ZDHHC17: variants seen among roughly 807,000 people sequenced by gnomAD.
ZDHHC17 encodes zDHHC palmitoyltransferase 17, also known as palmitoyltransferase ZDHHC17.
In ZDHHC17, 40 loss-of-function variants were observed where a neutral mutation model predicts 90.3. The ratio of observed to expected loss-of-function variants is 0.44; its 90% confidence interval spans 0.34 to 0.58. The LOEUF is 0.58. Ranked by LOEUF, ZDHHC17 falls within the 20% of genes least tolerant of loss-of-function variation. ZDHHC17 has a pLI of 0.01. For missense variants in ZDHHC17, 614 were observed against 780.8 expected (o/e 0.79, Z 2.55); for synonymous variants, 235 against 252.4 (o/e 0.93, Z 0.65).
chr12:76,849,722 A>G lies in ZDHHC17; in HGVS notation c.1760+252A>G, dbSNP rs987355635. 57 of 273,320 alleles carry G rather than the reference A, an allele frequency of 2.1e-4. 1 individual carries two copies. The highest frequency in any genetic ancestry group is 1.3e-3 in the African/African-American group (56 of 44,410). The allele number at this position is 273,320 out of a possible 1,614,324, so 16.9% of individuals were successfully genotyped here. ...TGTATTCAGTCTGGTGCTTAGAAAT[A>G]GTAGGGTCCTAAGTATATGAAATAT... On this transcript the variant is annotated intron_variant, in intron 16 of 16. Coordinates refer to ENST00000426126, the MANE Select transcript of ZDHHC17 (RefSeq NM_015336.4).
intron 10 of ZDHHC17, among the ~76,000 whole-genome samples, chr12:76,835,520 TA>T (rs536299034): frequency 3.8e-3 from 578 of 152,094 alleles, no homozygotes; most frequent in African/African-American, 0.012. Flanking sequence ...TTAATTTTTT[TA>T]AATTATGAAT....
rs1476764305 is a variant in ZDHHC17, at chr12:76,822,519, G to A, written c.885G>A (p.Leu295=). 1 of 1,587,268 alleles carries A rather than the reference G, an allele frequency of 6.3e-7. No individual in the cohort carries two copies. The highest frequency in any genetic ancestry group is 8.6e-7 in the Non-Finnish European group (1 of 1,162,520). Residue 295 remains leucine, a synonymous_variant, in exon 8 of 17, where the codon CTG becomes CTA. Coordinates refer to ENST00000426126, the MANE Select transcript of ZDHHC17 (RefSeq NM_015336.4). ...GYDNPSFLRK[L]KADKEFRQKV... is the part of the protein sequence containing the mutation. ...ACAATCCGTCCTTCCTTAGAAAGCT[G>A]AAAGCTGATAAGGTAAACTCATAAC...
chr12:76,803,541 C>T (rs1474088694), intron 2 of ZDHHC17, among the ~76,000 whole-genome samples: 1 of 152,172 alleles, frequency 6.6e-6, no homozygotes, highest in Non-Finnish European at 1.5e-5. Flanking sequence ...CTGATGATGT[C>T]TGGTGGTATT....
intron 1 of ZDHHC17, among the ~76,000 whole-genome samples, chr12:76,788,688 A>ATATATTTTTTTTTTTT (rs61663401): frequency 4.1e-5 from 4 of 98,666 alleles, no homozygotes; most frequent in African/African-American, 8.0e-5. Context: ...TGGAATCGCA[A>ATATATTTTTTTTTTTT]TTTTTTTTTT....
intron 1 of ZDHHC17, among the ~76,000 whole-genome samples, chr12:76,796,285 G>A (rs1346496068): frequency 6.6e-6 from 1 of 152,022 alleles, no homozygotes; most frequent in Admixed American, 6.5e-5. Flanking sequence ...ACATATGTTT[G>A]TCAAAAATAT....
At chr12:76,810,083 A>T (rs1486690946) in intron 5 of ZDHHC17, among the ~76,000 whole-genome samples, 1 of 152,184 alleles carries the variant, frequency 6.6e-6, no homozygotes, top group East Asian at 1.9e-4. Context: ...TTTTATTTCT[A>T]AGAGTAATGG....
intron 1 of ZDHHC17, among the ~76,000 whole-genome samples, chr12:76,795,575 T>A (rs1362251792): frequency 6.6e-6 from 1 of 152,028 alleles, no homozygotes; most frequent in Non-Finnish European, 1.5e-5. Flanking sequence ...AAAAGAAAAT[T>A]TAGAAATAAG....
intron 10 of ZDHHC17, among the ~76,000 whole-genome samples, chr12:76,836,020 T>C (rs1953358415): frequency 1.3e-5 from 2 of 152,008 alleles, no homozygotes; most frequent in South Asian, 4.1e-4. Context: ...GAACCACTTA[T>C]GCATGCCTGG....
At chr12:76,849,584 T>C in intron 16 of ZDHHC17, 114 bp downstream of exon 16, 2 of 621,518 alleles carry the variant, frequency 3.2e-6, no homozygotes, top group Non-Finnish European at 5.5e-6. Flanking sequence ...TTAAGATTTC[T>C]GTAGAAATAG....
chr12:76,783,818 T>C (rs1952655478), intron 1 of ZDHHC17, among the ~76,000 whole-genome samples: 2 of 152,188 alleles, frequency 1.3e-5, no homozygotes, highest in South Asian at 4.1e-4. Context: ...CATATATCCA[T>C]ATAAGAGGGA....
intron 5 of ZDHHC17, chr12:76,813,540 A>G (rs1017275035): frequency 3.5e-6 from 1 of 288,618 alleles, no homozygotes; most frequent in Admixed American, 5.0e-5. Context: ...TGCTTAGATA[A>G]TGTTCACATT....
chr12:76,777,132 TC>T (rs34060477), intron 1 of ZDHHC17, among the ~76,000 whole-genome samples: 60,091 of 151,930 alleles, frequency 0.4, 12,282 homozygotes, highest in East Asian at 0.65. Flanking sequence ...ACAGCACACT[TC>T]CTTCCCCATA....
chr12:76,842,985 G>T lies in ZDHHC17; in HGVS notation c.1329+4G>T. The stretch of plus-strand genomic sequence containing the variant: ...TATATTCTGCAGTACCTGTTTGGTA[G>T]TATTTTCTTCTTTGTTCTTCCCTCC... On this transcript the variant is annotated splice_donor_region_variant and intron_variant, in intron 12 of 16. Coordinates refer to ENST00000426126, the MANE Select transcript of ZDHHC17 (RefSeq NM_015336.4). 6.2e-7 allele frequency: 1 copy of T among 1,608,084 alleles called. No individual in the cohort carries two copies. The highest frequency in any genetic ancestry group is 8.5e-7 in the Non-Finnish European group (1 of 1,176,314).
At chr12:76,831,597 G>A (rs1325301436) in intron 10 of ZDHHC17, among the ~76,000 whole-genome samples, 5 of 152,120 alleles carry the variant, frequency 3.3e-5, no homozygotes, top group East Asian at 1.9e-4. Flanking sequence ...TGATCCGCCC[G>A]CCTCGGTCTT....
intron 10 of ZDHHC17, chr12:76,841,157 G>A (rs1953429830): frequency 6.6e-6 from 1 of 152,212 alleles, no homozygotes; most frequent in Non-Finnish European, 1.5e-5. Flanking sequence ...TGTATGTCAA[G>A]TGGCTATTGA....
In ZDHHC17 at chr12:76,822,550, ATTTT is replaced by A. The variant is rs10618043; in HGVS notation, c.897+37_897+40del. Reference sequence around the variant, plus strand: ...TGATAAGGTAAACTCATAACTGAAGATTTTTTTTTTTTTTTTTTTTTGAGACGGA... The same window carrying A: ...TGATAAGGTAAACTCATAACTGAAGATTTTTTTTTTTTTTTTTGAGACGGA... On this transcript the variant is annotated intron_variant, in intron 8 of 16. Transcript: ENST00000426126. The A allele has an allele frequency of 6.1e-3, 7,357 of 1,202,572 alleles. No homozygotes were observed. Among genetic ancestry groups the A allele is most frequent in the Middle Eastern group, 8.2e-3 (37 of 4,522 alleles). The allele number at this position is 1,202,572 out of a possible 1,614,324, so 74.5% of individuals were successfully genotyped here. A position where few individuals can be genotyped will look rare whatever the true frequency, so the allele number is the denominator to read the frequency against.
rs1953564002 is a variant in ZDHHC17 at position 76,851,239 on chromosome 12, T to C, written c.*254T>C. The C allele has an allele frequency of 7.3e-6, 3 of 412,126 alleles. No individual in the cohort carries two copies. The highest frequency in any genetic ancestry group is 8.5e-6 in the Non-Finnish European group (2 of 235,294). 25.5% of individuals were successfully genotyped at this position (412,126 alleles called of 1,614,324 possible). ...GTTCTTAATGTGGAAATTCACAACA[T>C]ACTCAACTTTTGGGTTTTGTTCTCA... is the stretch of plus-strand genomic sequence containing the variant. On this transcript the variant is annotated 3_prime_UTR_variant, in exon 17 of 17. Coordinates refer to ENST00000426126, the MANE Select transcript of ZDHHC17 (RefSeq NM_015336.4).
intron 11 of ZDHHC17, 90 bp downstream of exon 11, chr12:76,842,196 G>A (rs538114256): frequency 1.5e-5 from 19 of 1,291,952 alleles, no homozygotes; most frequent in Middle Eastern, 2.0e-4. Flanking sequence ...ATTAACTATC[G>A]TTTAGAATGT....
intron 1 of ZDHHC17, among the ~76,000 whole-genome samples, chr12:76,780,951 C>T (rs1043507692): frequency 2.0e-5 from 3 of 151,222 alleles, no homozygotes; most frequent in Non-Finnish European, 4.4e-5. Flanking sequence ...CACAGTGAAA[C>T]ACCGTCTCTA....
Sources: allele counts gnomAD v4.1 joint callset (sites outside exome capture counted in the v4.1 genomes callset), GRCh38; gene constraint gnomAD v4.1.1; transcripts MANE v1.5; gene names NCBI Gene and HGNC (gene_info 2026-07-23, HGNC 2026-07-21).